NMNAT3: variants seen among roughly 807,000 people sequenced by gnomAD.
The protein encoded by NMNAT3 is nicotinamide nucleotide adenylyltransferase 3, also known as nicotinamide/nicotinic acid mononucleotide adenylyltransferase 3.
A neutral mutation model predicts 24.8 loss-of-function variants in NMNAT3; 21 were observed. The ratio of observed to expected loss-of-function variants is 0.85; its 90% CI spans 0.60 to 1.22. The LOEUF is 1.22. Ranked by LOEUF, NMNAT3 falls within the 50% of genes most tolerant of loss-of-function variation. The pLI, the probability that NMNAT3 is intolerant of heterozygous loss-of-function variation, is 0.00. For missense variants in NMNAT3, 387 were observed against 436.6 expected, an observed-to-expected ratio of 0.89 and a Z score of 1.01; for synonymous variants, 136 against 155.2, an observed-to-expected ratio of 0.88 and a Z score of 0.92.
intron 1 of NMNAT3, among the ~76,000 whole-genome samples, chr3:139,673,201 C>T (rs757874992): frequency 3.3e-5 from 5 of 152,188 alleles, no homozygotes; most frequent in South Asian, 4.1e-4. Flanking sequence ...CCAGTGCCCA[C>T]GCCACTAGAT....
intron 3 of NMNAT3, among the ~76,000 whole-genome samples, chr3:139,592,523 T>C (rs1246073888): frequency 1.5e-4 from 22 of 149,980 alleles, no homozygotes; most frequent in South Asian, 4.3e-4. Flanking sequence ...ATTGTCAGAT[T>C]CACCAAAGTT....
chr3:139,657,221 C>T (rs550108969), intron 1 of NMNAT3, among the ~76,000 whole-genome samples: 11 of 152,322 alleles, frequency 7.2e-5, no homozygotes, highest in East Asian at 1.9e-4. Context: ...TGAGCCCATT[C>T]GGTCCCTCCA....
intron 1 of NMNAT3, among the ~76,000 whole-genome samples, chr3:139,675,310 C>T (rs557810741): frequency 4.6e-5 from 7 of 152,318 alleles, no homozygotes; most frequent in East Asian, 3.9e-4. Flanking sequence ...AGAGCCAGAA[C>T]GGTCTCAGGC....
intron 6 of NMNAT3, chr3:139,570,858 C>G (rs1453014899): frequency 1.3e-5 from 2 of 152,550 alleles, no homozygotes; most frequent in African/African-American, 4.8e-5. Flanking sequence ...AACCACTACT[C>G]TCTTCAAAGC....
At chr3:139,596,941 TATATATATATATATATATA>T (rs2054499013) in intron 3 of NMNAT3, among the ~76,000 whole-genome samples, 1 of 110,862 alleles carries the variant, frequency 9.0e-6, no homozygotes, top group African/African-American at 4.8e-5. Flanking sequence ...TATATATATA[TATATATATATATATATATA>T]TATATTTTTA....
intron 6 of NMNAT3, chr3:139,569,428 T>C (rs1408929631): frequency 6.6e-6 from 1 of 152,258 alleles, no homozygotes; most frequent in Non-Finnish European, 1.5e-5. Flanking sequence ...ATGCAGTTTC[T>C]TCCTAGCCTT....
intron 3 of NMNAT3, among the ~76,000 whole-genome samples, chr3:139,583,800 G>C (rs562028015): frequency 6.6e-6 from 1 of 152,240 alleles, no homozygotes; most frequent in African/African-American, 2.4e-5. Flanking sequence ...TGCACTGCGA[G>C]TCCTCGAACA....
In NMNAT3 at chr3:139,619,285, G is replaced by C. The variant is rs148886976; in HGVS notation, c.109+8331C>G. ...GTACAACACTAACATAGGTAGAAGA[G>C]TCCATTCTGAACTCTCAAAAATGAC... On this transcript the variant is annotated intron_variant, in intron 3 of 6. Transcript: ENST00000643695. 1.6e-3 allele frequency among the ~76,000 whole-genome samples: 244 copies of C among 152,276 alleles called. 2 individuals carry two copies. Among genetic ancestry groups the C allele is most frequent in the African/African-American group, 5.8e-3 (241 of 41,542 alleles).
chr3:139,654,746 T>C (rs1399098447), intron 1 of NMNAT3, among the ~76,000 whole-genome samples: 1 of 152,272 alleles, frequency 6.6e-6, no homozygotes, highest in Non-Finnish European at 1.5e-5. Context: ...GTCATAACTG[T>C]GCTTTTCAAA....
At chr3:139,664,979 T>C (rs2057530384) in intron 1 of NMNAT3, among the ~76,000 whole-genome samples, 1 of 152,224 alleles carries the variant, frequency 6.6e-6, no homozygotes, top group Admixed American at 6.5e-5. Context: ...AATTCTATTT[T>C]GCTGGATTTT....
At position 139,561,639 on chromosome 3, in the gene NMNAT3, T is replaced by C. The variant is rs186298376; in HGVS notation, c.659-247A>G. Among the ~76,000 whole-genome samples the C allele has an allele frequency of 1.7e-3, 261 of 152,334 alleles. 1 individual carries two copies. Among genetic ancestry groups the C allele is most frequent in the African/African-American group, 6.1e-3 (252 of 41,570 alleles). ...TGGAAAAGTGCCAAGGAATACGATTTTTTTTCTTTTCAGTGTTCTAACAGA... is the reference window on the plus strand; with the variant it reads ...TGGAAAAGTGCCAAGGAATACGATTCTTTTTCTTTTCAGTGTTCTAACAGA... On this transcript the variant is annotated intron_variant, in intron 6 of 6. Coordinates refer to ENST00000643695, the MANE Select transcript of NMNAT3 (RefSeq NM_001320510.2).
chr3:139,574,618 G>T (rs1939013287), intron 5 of NMNAT3, among the ~76,000 whole-genome samples: 1 of 152,186 alleles, frequency 6.6e-6, no homozygotes, highest in South Asian at 2.1e-4. Context: ...GGGCAGTAGT[G>T]CCTGGTGGGA....
At chr3:139,562,176 A>G (rs1936502605) in intron 6 of NMNAT3, among the ~76,000 whole-genome samples, 1 of 152,148 alleles carries the variant, frequency 6.6e-6, no homozygotes. Flanking sequence ...CAACTGAGGC[A>G]GAGAGAGATA....
At chr3:139,675,480 G>T (rs2057899979) in intron 1 of NMNAT3, among the ~76,000 whole-genome samples, 1 of 152,078 alleles carries the variant, frequency 6.6e-6, no homozygotes, top group South Asian at 2.1e-4. Flanking sequence ...CGCTTTCTTT[G>T]GCCTGAGTCT....
intron 1 of NMNAT3, among the ~76,000 whole-genome samples, chr3:139,660,417 T>C (rs1347701114): frequency 6.6e-6 from 1 of 152,260 alleles, no homozygotes; most frequent in Non-Finnish European, 1.5e-5. Flanking sequence ...CTAACAGAGC[T>C]GTACCAGATT....
At chr3:139,586,007 G>C (rs2053924183) in intron 3 of NMNAT3, among the ~76,000 whole-genome samples, 1 of 152,224 alleles carries the variant, frequency 6.6e-6, no homozygotes, top group South Asian at 2.1e-4. Context: ...GTTCTGGCAA[G>C]TGCTCAACAG....
At chr3:139,594,561 C>T (rs2054356120) in intron 3 of NMNAT3, among the ~76,000 whole-genome samples, 1 of 152,166 alleles carries the variant, frequency 6.6e-6, no homozygotes. Flanking sequence ...CAAAAATCCT[C>T]AATAAAATAC....
chr3:139,581,327 TAGG>T (rs1940151344), intron 4 of NMNAT3, among the ~76,000 whole-genome samples: 1 of 152,038 alleles, frequency 6.6e-6, no homozygotes, highest in Admixed American at 6.5e-5. Context: ...TTAATTTTCT[TAGG>T]AGTGATAATG....
chr3:139,578,851 C>T lies in NMNAT3; in HGVS notation c.575+21G>A, dbSNP rs201944246. 84 of 1,603,866 alleles carry T rather than the reference C, an allele frequency of 5.2e-5. No individual in the cohort carries two copies. In the African/African-American group the frequency reaches 1.1e-3, roughly 21 times the overall value. On this transcript the variant is annotated intron_variant, in intron 5 of 6. Transcript: ENST00000643695. ...TCTCCCGTGGCCCCTGGTCATCACA[C>T]AGGAGAGTGACTACCATTACCTCAG...
Sources: allele counts gnomAD v4.1 joint callset (sites outside exome capture counted in the v4.1 genomes callset), GRCh38; gene constraint gnomAD v4.1.1; transcripts MANE v1.5; gene names NCBI Gene and HGNC (gene_info 2026-07-23, HGNC 2026-07-21).